The following FER variants were observed in gnomAD, a reference collection of about 807,000 sequenced individuals.
FER encodes the protein FER tyrosine kinase, also known as tyrosine-protein kinase Fer.
Under a neutral mutation model 111.0 loss-of-function variants are expected in FER, and 63 were observed. The observed-to-expected ratio is 0.57, with a 90% CI of 0.46 to 0.70. The LOEUF is 0.70. Ranked by LOEUF, FER falls within the 30% of genes least tolerant of loss-of-function variation. The pLI, the probability that FER is intolerant of heterozygous loss-of-function variation, is 0.00. For missense variants in FER, 914 were observed against 954.0 expected, an observed-to-expected ratio of 0.96 and a Z score of 0.55; for synonymous variants, 327 against 313.9, an observed-to-expected ratio of 1.04 and a Z score of -0.44.
At chr5:109,075,160 CTCTTT>C (rs1490014791) in intron 16 of FER, among the ~76,000 whole-genome samples, 4 of 152,210 alleles carry the variant, frequency 2.6e-5, no homozygotes, top group Admixed American at 2.6e-4. Flanking sequence ...ACGCTGCTGT[CTCTTT>C]TCTTGTTCTT....
At chr5:109,172,503 A>AGGGGGGG (rs1757238342) in intron 17 of FER, among the ~76,000 whole-genome samples, 4 of 60,130 alleles carry the variant, frequency 6.7e-5, no homozygotes, top group Non-Finnish European at 9.5e-5. Context: ...GGGAGGGGGG[A>AGGGGGGG]GGGATAGCAT....
At chr5:108,897,096 C>T (rs1014405900) in intron 9 of FER, among the ~76,000 whole-genome samples, 3 of 152,088 alleles carry the variant, frequency 2.0e-5, no homozygotes, top group Non-Finnish European at 2.9e-5. Flanking sequence ...ATATTGGAGA[C>T]GTTGGAAAGA....
At chr5:109,081,806 T>C (rs1777016077) in intron 16 of FER, among the ~76,000 whole-genome samples, 1 of 152,008 alleles carries the variant, frequency 6.6e-6, no homozygotes, top group Admixed American at 6.6e-5. Flanking sequence ...AAATCAATAC[T>C]CCTAAAGTAT....
intron 2 of FER, among the ~76,000 whole-genome samples, chr5:108,777,605 C>A (rs1179400370): frequency 6.6e-6 from 1 of 152,162 alleles, no homozygotes; most frequent in Non-Finnish European, 1.5e-5. Context: ...TCCCTCTAAA[C>A]CCTGGCAACC....
intron 8 of FER, among the ~76,000 whole-genome samples, chr5:108,873,618 T>C (rs1018215587): frequency 6.6e-6 from 1 of 152,114 alleles, no homozygotes; most frequent in Admixed American, 6.6e-5. Context: ...GCAGCCTTAT[T>C]GGGATTTTTG....
intron 3 of FER, among the ~76,000 whole-genome samples, chr5:108,798,938 C>G (rs1756342861): frequency 6.6e-6 from 1 of 152,130 alleles, no homozygotes; most frequent in African/African-American, 2.4e-5. Flanking sequence ...ACCATTGTTA[C>G]AAATTTTGGT....
At chr5:108,879,711 T>A (rs899533561) in intron 8 of FER, among the ~76,000 whole-genome samples, 1 of 138,560 alleles carries the variant, frequency 7.2e-6, no homozygotes, top group Non-Finnish European at 1.5e-5. Context: ...AATATATATA[T>A]ATATATATAT....
intron 13 of FER, among the ~76,000 whole-genome samples, chr5:109,031,037 C>T (rs538588144): frequency 6.6e-6 from 1 of 152,000 alleles, no homozygotes; most frequent in African/African-American, 2.4e-5. Flanking sequence ...CAGTCTTAGG[C>T]CAGCTGGGAA....
intron 17 of FER, among the ~76,000 whole-genome samples, chr5:109,158,489 G>A (rs1019560271): frequency 7.9e-5 from 12 of 151,982 alleles, no homozygotes; most frequent in African/African-American, 1.9e-4. Context: ...ATGATGGCAG[G>A]GAGAATGCTT....
intron 5 of FER, among the ~76,000 whole-genome samples, chr5:108,839,946 G>GA (rs964870664): frequency 6.6e-5 from 10 of 151,866 alleles, no homozygotes; most frequent in South Asian, 2.1e-4. Flanking sequence ...TACACAGGTT[G>GA]AAAAAAATAT....
intron 10 of FER, among the ~76,000 whole-genome samples, chr5:108,915,976 C>G (rs528308247): frequency 6.6e-6 from 1 of 152,202 alleles, no homozygotes; most frequent in African/African-American, 2.4e-5. Context: ...TATGATATGA[C>G]CCACTTCCCT....
intron 17 of FER, among the ~76,000 whole-genome samples, chr5:109,136,733 C>CT (rs34158572): frequency 0.041 from 6,153 of 150,404 alleles, 144 homozygotes; most frequent in Middle Eastern, 0.11. Flanking sequence ...CAGATCTAGG[C>CT]TTTTTTTTTC....
chr5:108,831,896 C>T lies in FER; in HGVS notation c.208-874C>T, dbSNP rs369625669. Among the ~76,000 whole-genome samples, 46 of 152,052 alleles carry T rather than the reference C, an allele frequency of 3.0e-4. No homozygotes were observed. In the East Asian group the frequency reaches 8.5e-3, roughly 28 times the overall value. On this transcript the variant is annotated intron_variant, in intron 3 of 19. Transcript: ENST00000281092. ...TCATTTAAAAAATATCTTTTGGATCCACTGTGTCATAGGTCTTCAATATTG... is the reference window on the plus strand; with the variant it reads ...TCATTTAAAAAATATCTTTTGGATCTACTGTGTCATAGGTCTTCAATATTG...
At chr5:109,087,553 G>C (rs1046349188) in intron 16 of FER, among the ~76,000 whole-genome samples, 1 of 150,658 alleles carries the variant, frequency 6.6e-6, no homozygotes. Flanking sequence ...TAGAAGTTTA[G>C]GCTATCATTT....
rs117653256 is a variant in FER, at chr5:109,113,555, T to C, written c.2048+13036T>C. Among the ~76,000 whole-genome samples the C allele has an allele frequency of 1.2e-3, 184 of 152,274 alleles. 4 individuals are homozygous for C. In the East Asian group the frequency reaches 0.033, roughly 27 times the overall value. On this transcript the variant is annotated intron_variant, in intron 17 of 19. Transcript: ENST00000281092. ...ACTTACATTTTTCATAGGAAACTCT[T>C]CAAGCTACTGAGTTCTTCTGAAGTT...
chr5:109,061,981 G>A (rs998618061), intron 16 of FER, among the ~76,000 whole-genome samples: 5 of 150,880 alleles, frequency 3.3e-5, no homozygotes, highest in Non-Finnish European at 7.4e-5. Context: ...AGTCCAAGAT[G>A]ATTCTGTCTT....
rs1759689939 is a variant in FER, at chr5:109,195,631, G to A, written c.*8056G>A. On this transcript the variant is annotated 3_prime_UTR_variant, in exon 20 of 20. Coordinates refer to ENST00000281092, the MANE Select transcript of FER (RefSeq NM_005246.4). ...CCATGACCAAAGTGTCCAAAGACAT[G>A]AAACTCTTATACCTGCTGAGCATTT... 6.6e-6 allele frequency: 1 copy of A among 152,180 alleles called. No individual in the cohort carries two copies. Among genetic ancestry groups the A allele is most frequent in the African/African-American group, 2.4e-5 (1 of 41,448 alleles). The allele number at this position is 152,180 out of a possible 1,614,324, so 9.4% of individuals were successfully genotyped here.
intron 2 of FER, among the ~76,000 whole-genome samples, chr5:108,770,068 C>T (rs1425530581): frequency 6.6e-6 from 1 of 152,188 alleles, no homozygotes; most frequent in Non-Finnish European, 1.5e-5. Context: ...CCTGCCTCAG[C>T]CTCCCAAGTA....
In FER at chr5:109,058,724, CTTTTTTTTTTTTTTTT is replaced by C. The variant is rs746184286; in HGVS notation, c.1924+11537_1924+11552del. ...TCTTTTTCTTTTTCTTTCTTTCTTT[CTTTTTTTTTTTTTTTT>C]TTTTTTTTTTGAGACGGAGTCTAGC... On this transcript the variant is annotated intron_variant, in intron 16 of 19. Coordinates refer to ENST00000281092, the MANE Select transcript of FER (RefSeq NM_005246.4). Among the ~76,000 whole-genome samples, 7 of 76,276 alleles carry C rather than the reference CTTTTTTTTTTTTTTTT, an allele frequency of 9.2e-5. No homozygotes were observed. The South Asian group carries it at 2.2e-3, about 24-fold the overall frequency. The allele number at this position is 76,276 out of a possible 152,430, so 50.0% of individuals were successfully genotyped here. A position where few individuals can be genotyped will look rare whatever the true frequency, so the allele number is the denominator to read the frequency against.
Sources: allele counts gnomAD v4.1 joint callset (sites outside exome capture counted in the v4.1 genomes callset), GRCh38; gene constraint gnomAD v4.1.1; transcripts MANE v1.5; gene names NCBI Gene and HGNC (gene_info 2026-07-23, HGNC 2026-07-21).